Variants in IRAK2 observed in about 807,000 individuals in gnomAD.
IRAK2 encodes interleukin 1 receptor associated kinase 2.
A neutral mutation model predicts 72.0 loss-of-function variants in IRAK2; 57 were observed. The ratio of observed to expected loss-of-function variants is 0.79; its 90% CI spans 0.64 to 0.99. The LOEUF is 0.99. IRAK2 is among the 50% of genes least tolerant of loss of function. The pLI is 0.00. For missense variants in IRAK2, 790 were observed against 794.4 expected, an observed-to-expected ratio of 0.99 and a Z score of 0.07; for synonymous variants, 293 against 312.7, an observed-to-expected ratio of 0.94 and a Z score of 0.67.
At chr3:10,204,704 A>G (rs777217186) in intron 3 of IRAK2, among the ~76,000 whole-genome samples, 3 of 152,160 alleles carry the variant, frequency 2.0e-5, no homozygotes, top group Non-Finnish European at 4.4e-5. Flanking sequence ...AGCCGAGATC[A>G]CGCCACTGCA....
chr3:10,170,969 A>G (rs971444149), intron 1 of IRAK2, among the ~76,000 whole-genome samples: 1 of 152,216 alleles, frequency 6.6e-6, no homozygotes, highest in Non-Finnish European at 1.5e-5. Flanking sequence ...ACAGTCCCTC[A>G]GAGCTGATGG....
intron 2 of IRAK2, among the ~76,000 whole-genome samples, chr3:10,198,214 A>G (rs949248898): frequency 7.9e-5 from 12 of 152,254 alleles, no homozygotes; most frequent in Admixed American, 6.5e-5. Context: ...ACAAAACAAA[A>G]CAAAACAAAA....
At chr3:10,234,403 T>C (rs543267855) in intron 10 of IRAK2, 56 bp from the exon 11 acceptor site, 2 of 1,496,918 alleles carry the variant, frequency 1.3e-6, no homozygotes, top group South Asian at 1.1e-5. Context: ...GGCGCGTGCG[T>C]TGGCTCTCGC....
At chr3:10,225,996 G>C (rs1164804792) in intron 9 of IRAK2, among the ~76,000 whole-genome samples, 1 of 152,172 alleles carries the variant, frequency 6.6e-6, no homozygotes, top group East Asian at 1.9e-4. Flanking sequence ...ACCGTGCCCA[G>C]CCAGCTGAAG....
intron 12 of IRAK2, among the ~76,000 whole-genome samples, chr3:10,241,185 T>C (rs1698054133): frequency 6.6e-6 from 1 of 150,938 alleles, no homozygotes. Flanking sequence ...CGAGGTGGGC[T>C]GATTGCTTGA....
intron 1 of IRAK2, among the ~76,000 whole-genome samples, chr3:10,173,518 C>T (rs1451511078): frequency 1.3e-5 from 2 of 152,106 alleles, no homozygotes; most frequent in Admixed American, 1.3e-4. Flanking sequence ...TATCATGTCC[C>T]GACTCTAAAG....
At chr3:10,201,594 T>C (rs6442158) in intron 3 of IRAK2, among the ~76,000 whole-genome samples, 70,256 of 152,194 alleles carry the variant, frequency 0.46, 16,797 homozygotes, top group African/African-American at 0.57. Context: ...CAAATCCTTT[T>C]GGACCACTTC....
rs1242620128 is a variant in IRAK2 at position 10,216,978 on chromosome 3, C to T, written c.833C>T (p.Ala278Val). The T allele has an allele frequency of 3.1e-6, 5 of 1,614,186 alleles. No homozygotes were observed. Among genetic ancestry groups the T allele is most frequent in the South Asian group, 1.1e-5 (1 of 91,086 alleles). Residue 278 changes from alanine (A) to valine (V), a missense_variant, in exon 7 of 13, where the codon GCA becomes GTA. Physicochemically the swap from Ala to Val is moderately conservative, Grantham distance 64. Transcript: ENST00000256458. ...NVLPVLGFCAARQFHSFIYPY... is the reference protein window; with the variant it reads ...NVLPVLGFCAVRQFHSFIYPY... ...TTACCTGTGCTGGGCTTCTGTGCTG[C>T]AAGACAGTTTCACAGCTTCATCTAC... is the stretch of plus-strand genomic sequence containing the variant.
intron 3 of IRAK2, 100 bp downstream of exon 3, chr3:10,200,615 G>A: frequency 9.4e-7 from 1 of 1,060,126 alleles, no homozygotes; most frequent in Non-Finnish European, 1.3e-6. Flanking sequence ...GCAAAAAATT[G>A]AGGCTGAGCA....
chr3:10,165,583 C>A (rs1696670651), intron 1 of IRAK2, among the ~76,000 whole-genome samples: 1 of 152,072 alleles, frequency 6.6e-6, no homozygotes, highest in South Asian at 2.1e-4. Flanking sequence ...GCAACCTCCA[C>A]CTCTGGGATT....
At chr3:10,165,877 C>A (rs1281780968) in intron 1 of IRAK2, among the ~76,000 whole-genome samples, 1 of 152,052 alleles carries the variant, frequency 6.6e-6, no homozygotes, top group Non-Finnish European at 1.5e-5. Context: ...ACTACAGGCG[C>A]CCGCCACCAC....
intron 11 of IRAK2, among the ~76,000 whole-genome samples, chr3:10,237,805 C>CAAAA (rs751642671): frequency 3.8e-4 from 21 of 55,328 alleles, no homozygotes; most frequent in East Asian, 5.3e-4. Flanking sequence ...GACTCTGTCT[C>CAAAA]AAAAAAAAAA....
chr3:10,219,675 C>T lies in IRAK2; in HGVS notation c.904-5C>T. The T allele has an allele frequency of 6.2e-7, 1 of 1,610,650 alleles. No homozygotes were observed. The highest frequency in any genetic ancestry group is 8.5e-7 in the Non-Finnish European group (1 of 1,176,972). On this transcript the variant is annotated splice_polypyrimidine_tract_variant and splice_region_variant and intron_variant, in intron 7 of 12. Transcript: ENST00000256458. ...TATTTGTCCTCCTGCTTTTCTTTCTCTTAGGGTGGCTCGGACCCCCTCCCC... is the reference window on the plus strand; with the variant it reads ...TATTTGTCCTCCTGCTTTTCTTTCTTTTAGGGTGGCTCGGACCCCCTCCCC...
At chr3:10,204,621 C>T (rs1375300369) in intron 3 of IRAK2, among the ~76,000 whole-genome samples, 3 of 152,020 alleles carry the variant, frequency 2.0e-5, no homozygotes, top group Admixed American at 6.6e-5. Flanking sequence ...TGGTCTCAGG[C>T]GCCTGTAATC....
chr3:10,167,581 A>AT (rs768901235), intron 1 of IRAK2, among the ~76,000 whole-genome samples: 17 of 151,944 alleles, frequency 1.1e-4, no homozygotes, highest in South Asian at 1.0e-3. Context: ...TGCCCGGCTA[A>AT]TTTTTTTGTA....
intron 1 of IRAK2, among the ~76,000 whole-genome samples, chr3:10,174,142 C>T (rs987086145): frequency 5.9e-5 from 9 of 152,292 alleles, no homozygotes; most frequent in African/African-American, 1.4e-4. Flanking sequence ...CTTTTCCATC[C>T]GTTCTCTTCT....
At chr3:10,209,333 G>A (rs908489843) in intron 3 of IRAK2, among the ~76,000 whole-genome samples, 6 of 152,150 alleles carry the variant, frequency 3.9e-5, no homozygotes, top group South Asian at 2.1e-4. Flanking sequence ...TGAGCACTGC[G>A]TCTACCTCCG....
At chr3:10,215,931 C>T (rs1008343218) in intron 6 of IRAK2, among the ~76,000 whole-genome samples, 12 of 152,122 alleles carry the variant, frequency 7.9e-5, no homozygotes, top group African/African-American at 2.9e-4. Context: ...GAGTGTACGC[C>T]AGAAGCATAC....
At position 10,217,068 on chromosome 3, in the gene IRAK2, T is replaced by A. The variant is rs754517348; in HGVS notation, c.903+20T>A. 1.3e-6 allele frequency: 2 copies of A among 1,564,638 alleles called. No homozygotes were observed. The highest frequency in any genetic ancestry group is 2.2e-5 in the South Asian group (2 of 90,020). On this transcript the variant is annotated intron_variant, in intron 7 of 12. Coordinates refer to ENST00000256458, the MANE Select transcript of IRAK2 (RefSeq NM_001570.4). ...GGTCAGGTAAGGGACTGGGTCATGG[T>A]CAGAGAATGGGACCAGGCTGCACCC...
Sources: allele counts gnomAD v4.1 joint callset (sites outside exome capture counted in the v4.1 genomes callset), GRCh38; gene constraint gnomAD v4.1.1; transcripts MANE v1.5; gene names NCBI Gene and HGNC (gene_info 2026-07-23, HGNC 2026-07-21).